Variants in TMEM132D observed in about 807,000 individuals in gnomAD.
TMEM132D encodes mature OL transmembrane protein.
Under a neutral mutation model 62.3 loss-of-function variants are expected in TMEM132D, and 21 were observed. That is an observed-to-expected ratio of 0.34 (90% CI 0.24 to 0.49). The LOEUF is 0.49. Among genes scored for constraint, TMEM132D ranks in the 20% least tolerant of loss-of-function variants. TMEM132D has a pLI of 0.99. For synonymous variants in TMEM132D, 621 were observed against 575.6 expected, an observed-to-expected ratio of 1.08 and a Z score of -1.13; for missense variants, 1,346 against 1,402.8, an observed-to-expected ratio of 0.96 and a Z score of 0.65.
At position 129,074,877 on chromosome 12, in the gene TMEM132D, C is replaced by T. The variant is rs1438612615; in HGVS notation, c.2298G>A (p.Leu766=). Residue 766 remains leucine (L), a synonymous_variant, in exon 9 of 9, where the codon CTG becomes CTA. Coordinates refer to ENST00000422113, the MANE Select transcript of TMEM132D (RefSeq NM_133448.3). ...CACTAATAACCATTTCCACCTTGAC[C>T]AGGGTGCCTTGTCCTTCTGTTTCCG... ...IAAETEGQGT[L]VKVEMVISES... The T allele has an allele frequency of 3.1e-6, 5 of 1,613,988 alleles. No homozygotes were observed. The highest frequency in any genetic ancestry group is 1.7e-6 in the Non-Finnish European group (2 of 1,180,018).
intron 3 of TMEM132D, among the ~76,000 whole-genome samples, chr12:129,434,460 G>A (rs1872737437): frequency 6.6e-6 from 1 of 152,118 alleles, no homozygotes; most frequent in Non-Finnish European, 1.5e-5. Context: ...TACGTTTGCT[G>A]TGACTACTAC....
At chr12:129,102,909 C>T (rs1875361181) in intron 5 of TMEM132D, among the ~76,000 whole-genome samples, 1 of 152,186 alleles carries the variant, frequency 6.6e-6, no homozygotes. Context: ...CTGCATTGCC[C>T]AGCACATTTA....
chr12:129,497,981 A>T (rs973006037), intron 3 of TMEM132D, among the ~76,000 whole-genome samples: 7 of 152,114 alleles, frequency 4.6e-5, no homozygotes, highest in African/African-American at 1.7e-4. Flanking sequence ...TTCCCCTTAT[A>T]CAGCCACAAA....
intron 3 of TMEM132D, among the ~76,000 whole-genome samples, chr12:129,432,002 C>T (rs1479723008): frequency 6.6e-6 from 1 of 152,230 alleles, no homozygotes; most frequent in South Asian, 2.1e-4. Flanking sequence ...GAGAACTTCC[C>T]CTATCACTTG....
At chr12:129,833,385 G>A (rs1444837632) in intron 1 of TMEM132D, among the ~76,000 whole-genome samples, 2 of 152,124 alleles carry the variant, frequency 1.3e-5, no homozygotes, top group Non-Finnish European at 2.9e-5. Flanking sequence ...CGGATCATGT[G>A]AGCCTAGGAG....
chr12:129,368,936 G>A (rs914812198), intron 3 of TMEM132D, among the ~76,000 whole-genome samples: 2 of 152,050 alleles, frequency 1.3e-5, no homozygotes, highest in African/African-American at 2.4e-5. Context: ...CTGTTTCCTC[G>A]TTCCCACCTG....
chr12:129,205,485 A>G (rs1004542717), intron 5 of TMEM132D, among the ~76,000 whole-genome samples: 3 of 152,170 alleles, frequency 2.0e-5, no homozygotes, highest in Admixed American at 6.5e-5. Context: ...CTATACATGC[A>G]TCCAATTCAG....
intron 8 of TMEM132D, among the ~76,000 whole-genome samples, chr12:129,077,931 T>C (rs890719764): frequency 2.6e-5 from 4 of 151,956 alleles, no homozygotes; most frequent in African/African-American, 7.3e-5. Context: ...ACAACACACA[T>C]ATACATATGC....
At chr12:129,577,288 A>G (rs1372870772) in intron 2 of TMEM132D, among the ~76,000 whole-genome samples, 1 of 151,738 alleles carries the variant, frequency 6.6e-6, no homozygotes, top group Non-Finnish European at 1.5e-5. Flanking sequence ...GGCACCCACA[A>G]AATTACTACA....
chr12:129,262,444 T>A (rs1178765645), intron 4 of TMEM132D: 1 of 152,180 alleles, frequency 6.6e-6, no homozygotes, highest in Admixed American at 6.5e-5. Context: ...TTTACAGGGC[T>A]GGGAGGGGAG....
intron 2 of TMEM132D, among the ~76,000 whole-genome samples, chr12:129,550,881 C>T (rs1031705929): frequency 6.6e-6 from 1 of 152,158 alleles, no homozygotes; most frequent in Non-Finnish European, 1.5e-5. Context: ...AGGAGGAAAG[C>T]TTGTGCCTGA....
Position 129,209,555 on chromosome 12 carries a change from C to CAGG in TMEM132D, c.1407_1408insCCT (p.Ser469_Val470insPro). On this transcript the variant is annotated inframe_insertion, in exon 5 of 9. Coordinates refer to ENST00000422113, the MANE Select transcript of TMEM132D (RefSeq NM_133448.3). Reference sequence around the variant, plus strand: ...TCTTCATCAGACGATCTACACTCCACAGACTCCAGCAGCTCTGTCACTGTG... The same window carrying CAGG: ...TCTTCATCAGACGATCTACACTCCACAGGAGACTCCAGCAGCTCTGTCACTGTG... 1 of 1,614,156 alleles carries CAGG rather than the reference C, an allele frequency of 6.2e-7. No homozygotes were observed. The highest frequency in any genetic ancestry group is 1.1e-5 in the South Asian group (1 of 91,080).
chr12:129,645,408 T>A (rs1879748856), intron 2 of TMEM132D, among the ~76,000 whole-genome samples: 1 of 152,146 alleles, frequency 6.6e-6, no homozygotes, highest in African/African-American at 2.4e-5. Flanking sequence ...AACTTACTGT[T>A]CGCTTGAGTC....
intron 8 of TMEM132D, among the ~76,000 whole-genome samples, chr12:129,077,027 C>G (rs184473873): frequency 2.0e-5 from 3 of 152,358 alleles, no homozygotes; most frequent in Admixed American, 1.3e-4. Context: ...CAACCACTTT[C>G]AAGTGTTTTC....
chr12:129,400,951 G>A (rs1253173004), intron 3 of TMEM132D, among the ~76,000 whole-genome samples: 1 of 152,078 alleles, frequency 6.6e-6, no homozygotes, highest in Admixed American at 6.5e-5. Context: ...AAAAAGTTTA[G>A]CACACACGAT....
intron 2 of TMEM132D, among the ~76,000 whole-genome samples, chr12:129,591,462 C>G (rs1306334497): frequency 6.6e-6 from 1 of 151,936 alleles, no homozygotes; most frequent in African/African-American, 2.4e-5. Context: ...TCCATTCTTT[C>G]TTTCTGAAAA....
At chr12:129,480,500 T>A (rs538501351) in intron 3 of TMEM132D, among the ~76,000 whole-genome samples, 1 of 152,290 alleles carries the variant, frequency 6.6e-6, no homozygotes, top group African/African-American at 2.4e-5. Context: ...TGATGCTCTG[T>A]GAATGAGCAA....
chr12:129,746,283 GAA>G (rs1339948039), intron 1 of TMEM132D, among the ~76,000 whole-genome samples: 2 of 152,162 alleles, frequency 1.3e-5, no homozygotes, highest in South Asian at 4.1e-4. Context: ...TTACTGCAAT[GAA>G]AAGTTATCCA....
At chr12:129,100,134 C>T (rs1045393399) in intron 5 of TMEM132D, among the ~76,000 whole-genome samples, 14 of 151,972 alleles carry the variant, frequency 9.2e-5, no homozygotes, top group African/African-American at 2.4e-4. Flanking sequence ...TCCACCTCTC[C>T]GGTTCAAGCA....
Sources: gnomAD v4.1 joint callset for allele counts (sites outside exome capture counted in the v4.1 genomes callset) on GRCh38, gnomAD v4.1.1 for gene constraint, MANE v1.5 for transcripts, NCBI Gene and HGNC (gene_info 2026-07-23, HGNC 2026-07-21) for gene names.